Variants in PRKN observed in about 807,000 individuals in gnomAD.
PRKN encodes the protein E3 ubiquitin-protein ligase parkin.
PRKN carries 56 observed loss-of-function variants against 59.5 expected under a neutral mutation model. The observed-to-expected ratio is 0.94, with a 90% CI of 0.76 to 1.18. The LOEUF (loss-of-function observed/expected upper bound fraction) is 1.18. Ranked by LOEUF, PRKN falls within the 50% of genes most tolerant of loss-of-function variation. PRKN has a pLI of 0.00. For synonymous variants in PRKN, 250 were observed against 222.1 expected (o/e 1.13, Z -1.12); for missense variants, 657 against 596.4 (o/e 1.10, Z -1.06).
intron 4 of PRKN, among the ~76,000 whole-genome samples, chr6:162,128,501 G>C (rs1460033322): frequency 6.6e-6 from 1 of 152,072 alleles, no homozygotes; most frequent in Non-Finnish European, 1.5e-5. Flanking sequence ...GACAGCATCT[G>C]TAAGCCATAG....
At chr6:161,779,643 T>C (rs1430430637) in intron 7 of PRKN, among the ~76,000 whole-genome samples, 1 of 151,640 alleles carries the variant, frequency 6.6e-6, no homozygotes, top group African/African-American at 2.4e-5. Context: ...CAGGGTTTCA[T>C]CATGTTGGCC....
intron 4 of PRKN, among the ~76,000 whole-genome samples, chr6:162,105,142 T>G (rs1446114491): frequency 6.6e-6 from 1 of 152,106 alleles, no homozygotes; most frequent in Non-Finnish European, 1.5e-5. Flanking sequence ...CCTTGACATA[T>G]TTTATGGCTC....
chr6:162,339,882 G>A (rs1784086254), intron 2 of PRKN, among the ~76,000 whole-genome samples: 1 of 149,230 alleles, frequency 6.7e-6, no homozygotes, highest in South Asian at 2.2e-4. Flanking sequence ...TCCACTCAGG[G>A]TTGAATGGAT....
intron 1 of PRKN, among the ~76,000 whole-genome samples, chr6:162,500,189 T>G (rs1452603476): frequency 4.3e-5 from 6 of 138,410 alleles, no homozygotes; most frequent in Admixed American, 2.2e-4. Context: ...TTTTTTTTTT[T>G]GGTGACAGAG....
At chr6:161,606,087 A>T (rs1297093961) in intron 7 of PRKN, among the ~76,000 whole-genome samples, 1 of 152,162 alleles carries the variant, frequency 6.6e-6, no homozygotes, top group East Asian at 1.9e-4. Flanking sequence ...CTTTTCATGG[A>T]CAGAGACTGT....
intron 7 of PRKN, among the ~76,000 whole-genome samples, chr6:161,708,889 T>C (rs981094979): frequency 2.0e-5 from 3 of 152,300 alleles, no homozygotes; most frequent in Non-Finnish European, 4.4e-5. Flanking sequence ...GTCTCTGTCC[T>C]CAAGAAAGTG....
chr6:161,530,870 G>C lies in PRKN; in HGVS notation c.1083+17984C>G, dbSNP rs1008791737. Among the ~76,000 whole-genome samples the C allele has an allele frequency of 6.6e-6, 1 of 152,146 alleles. No homozygotes were observed. Among genetic ancestry groups the C allele is most frequent in the African/African-American group, 2.4e-5 (1 of 41,430 alleles). ...GGCTGTCATGCTGCTCTACTTCAGA[G>C]AACAGACCAATTTTTAGAGAGCTTC... On this transcript the variant is annotated intron_variant, in intron 9 of 11. Coordinates refer to ENST00000366898, the MANE Select transcript of PRKN (RefSeq NM_004562.3). This position sits in a 1 kb window ranked among gnomAD's most constrained non-coding sequence, Gnocchi z 5.0.
chr6:161,570,433 G>A (rs1780844427), intron 7 of PRKN, among the ~76,000 whole-genome samples: 1 of 148,568 alleles, frequency 6.7e-6, no homozygotes, highest in African/African-American at 2.5e-5. Context: ...TGAACTTTGT[G>A]GGTCCACTTA....
chr6:161,914,874 G>A (rs1212028336), intron 6 of PRKN, among the ~76,000 whole-genome samples: 1 of 152,118 alleles, frequency 6.6e-6, no homozygotes. Flanking sequence ...TGTCTATGGG[G>A]AAGCAAAGTT....
rs148565538 is a variant in PRKN, at chr6:161,491,674, G to A, written c.1083+57180C>T. ...GAGATGAAGTCTTTCTCTGTCACCC[G>A]GGCTGGAGTGCAATGGCGCGATCTT... On this transcript the variant is annotated intron_variant, in intron 9 of 11. Transcript: ENST00000366898. Among the ~76,000 whole-genome samples the A allele has an allele frequency of 7.5e-4, 114 of 151,486 alleles. 2 individuals are homozygous for A. The East Asian group carries it at 0.019, about 26-fold the overall frequency.
intron 4 of PRKN, among the ~76,000 whole-genome samples, chr6:162,183,128 G>A (rs1289644807): frequency 6.6e-6 from 1 of 152,160 alleles, no homozygotes; most frequent in Non-Finnish European, 1.5e-5. Flanking sequence ...TTCCTGTCCA[G>A]AAGCACGGTG....
intron 9 of PRKN, among the ~76,000 whole-genome samples, chr6:161,427,269 A>C (rs1788413489): frequency 6.6e-6 from 1 of 152,184 alleles, no homozygotes. Flanking sequence ...TTGGCCTCCC[A>C]AAATGCTGGG....
chr6:162,204,831 C>T (rs549332857), intron 3 of PRKN, among the ~76,000 whole-genome samples: 1 of 151,814 alleles, frequency 6.6e-6, no homozygotes, highest in Non-Finnish European at 1.5e-5. Context: ...CATTCCTTAG[C>T]CTAAGAAGTC....
chr6:161,900,530 TTA>T (rs907111356), intron 6 of PRKN, among the ~76,000 whole-genome samples: 17 of 93,626 alleles, frequency 1.8e-4, no homozygotes, highest in African/African-American at 6.0e-4. Flanking sequence ...AACATATCTT[TTA>T]TATATATTAT....
rs578156926 is a variant in PRKN, at chr6:162,242,100, G to GA, written c.412+20424dup. ...AATAAGAAATTGCATAAAGAGAGAA[G>GA]AAAAAATAAAATTTTTCACAACCTA... On this transcript the variant is annotated intron_variant, in intron 3 of 11. Transcript: ENST00000366898. 1.3e-3 allele frequency among the ~76,000 whole-genome samples: 196 copies of GA among 152,102 alleles called. 1 individual carries two copies. Among genetic ancestry groups the GA allele is most frequent in the African/African-American group, 4.3e-3 (180 of 41,512 alleles).
At chr6:161,436,695 T>C (rs1225645304) in intron 9 of PRKN, among the ~76,000 whole-genome samples, 1 of 152,034 alleles carries the variant, frequency 6.6e-6, no homozygotes, top group Non-Finnish European at 1.5e-5. Context: ...GGGGGATGAC[T>C]CTTATTATCC....
At chr6:161,985,925 G>T (rs1789990) in intron 5 of PRKN, among the ~76,000 whole-genome samples, 78,782 of 151,942 alleles carry the variant, frequency 0.52, 20,710 homozygotes, top group Middle Eastern at 0.59. Context: ...GCCTTTCAAA[G>T]CCCTAGATGT....
intron 2 of PRKN, among the ~76,000 whole-genome samples, chr6:162,302,018 T>G (rs534290987): frequency 6.6e-6 from 1 of 152,290 alleles, no homozygotes; most frequent in African/African-American, 2.4e-5. Flanking sequence ...CATTTTCTTT[T>G]CTCGTGTCCT....
intron 9 of PRKN, among the ~76,000 whole-genome samples, chr6:161,398,407 G>A (rs1216777851): frequency 6.6e-6 from 1 of 152,114 alleles, no homozygotes. Flanking sequence ...TCACCCAGGA[G>A]CATGTCAGAA....
Sources: allele counts gnomAD v4.1 joint callset (sites outside exome capture counted in the v4.1 genomes callset), GRCh38; gene constraint gnomAD v4.1.1; non-coding constraint Gnocchi (gnomAD v3.1); transcripts MANE v1.5; gene names NCBI Gene and HGNC (gene_info 2026-07-23, HGNC 2026-07-21).